The following TRIM24 variants were observed in gnomAD, a reference collection of about 807,000 sequenced individuals.
TRIM24 encodes tripartite motif containing 24.
TRIM24 carries 29 observed loss-of-function variants against 123.9 expected under a neutral mutation model. That is an observed-to-expected ratio of 0.23 (90% confidence interval 0.17 to 0.32). The LOEUF is 0.32. Ranked by LOEUF, TRIM24 falls within the 10% of genes least tolerant of loss-of-function variation. TRIM24 has a pLI of 1.00. For synonymous variants in TRIM24, 456 were observed against 461.1 expected, an observed-to-expected ratio of 0.99 and a Z score of 0.14; for missense variants, 932 against 1,295.3, an observed-to-expected ratio of 0.72 and a Z score of 4.31.
At chr7:138,557,641 T>C (rs1797342052) in intron 9 of TRIM24, among the ~76,000 whole-genome samples, 1 of 152,190 alleles carries the variant, frequency 6.6e-6, no homozygotes, top group Non-Finnish European at 1.5e-5. Flanking sequence ...ATTTTTGCAG[T>C]TATATCTTCA....
chr7:138,502,449 TGATTA>T (rs1307428952), intron 1 of TRIM24, among the ~76,000 whole-genome samples: 1 of 152,208 alleles, frequency 6.6e-6, no homozygotes, highest in African/African-American at 2.4e-5. Flanking sequence ...TCAAAAAGAT[TGATTA>T]GGAGTTACAG....
chr7:138,508,692 T>TGTGTGCGCGCGCAC (rs1422176564), intron 2 of TRIM24, among the ~76,000 whole-genome samples: 2 of 137,214 alleles, frequency 1.5e-5, no homozygotes, highest in African/African-American at 5.5e-5. Flanking sequence ...TGTGTGTGTG[T>TGTGTGCGCGCGCAC]GCGCGCGCGT....
chr7:138,579,613 T>A, intron 15 of TRIM24, 81 bp downstream of exon 15: 1 of 1,232,882 alleles, frequency 8.1e-7, no homozygotes, highest in Non-Finnish European at 1.1e-6. Flanking sequence ...TGAAAAAACT[T>A]AAATGAAATT....
chr7:138,462,932 C>T (rs1795039652), intron 1 of TRIM24, among the ~76,000 whole-genome samples: 1 of 149,768 alleles, frequency 6.7e-6, no homozygotes. Context: ...TGCAGTGGTG[C>T]GATCTTGGCT....
intron 1 of TRIM24, chr7:138,490,687 G>A: frequency 2.4e-6 from 1 of 418,698 alleles, no homozygotes; most frequent in Non-Finnish European, 4.6e-6. Context: ...AGCTCCATGA[G>A]TTTTTCCAGT....
intron 7 of TRIM24, among the ~76,000 whole-genome samples, chr7:138,549,323 T>A (rs555982848): frequency 1.2e-3 from 182 of 152,310 alleles, no homozygotes; most frequent in African/African-American, 4.3e-3. Flanking sequence ...AACTGAGCCC[T>A]GGGCATTCCA....
chr7:138,466,318 A>T (rs986535567), intron 1 of TRIM24, among the ~76,000 whole-genome samples: 1 of 151,882 alleles, frequency 6.6e-6, no homozygotes, highest in Non-Finnish European at 1.5e-5. Flanking sequence ...AATTTTAACC[A>T]TTCTAGTAGG....
At position 138,471,590 on chromosome 7, in the gene TRIM24, G is replaced by C. The variant is rs183411146; in HGVS notation, c.364+10678G>C. On this transcript the variant is annotated intron_variant, in intron 1 of 18. Coordinates refer to ENST00000343526, the MANE Select transcript of TRIM24 (RefSeq NM_015905.3). ...GAGTCTCACTCTGTCATCCAGGCTG[G>C]AGTGCAGTGGTGCAATCTTGGCTCA... Among the ~76,000 whole-genome samples, 11 of 151,550 alleles carry C rather than the reference G, an allele frequency of 7.3e-5. No individual in the cohort carries two copies. In the East Asian group the frequency reaches 2.1e-3, roughly 29 times the overall value.
chr7:138,472,536 A>G (rs1795293812), intron 1 of TRIM24, among the ~76,000 whole-genome samples: 1 of 152,178 alleles, frequency 6.6e-6, no homozygotes, highest in African/African-American at 2.4e-5. Context: ...TGAGAGGGTA[A>G]CAGGAGTGGA....
At position 138,460,671 on chromosome 7, in the gene TRIM24, G is replaced by C; in HGVS notation, c.123G>C (p.Ser41=). 3 of 1,513,854 alleles carry C rather than the reference G, an allele frequency of 2.0e-6. No individual in the cohort carries two copies. Among genetic ancestry groups the C allele is most frequent in the Non-Finnish European group, 2.6e-6 (3 of 1,137,024 alleles). 93.8% of individuals were successfully genotyped at this position (1,513,854 alleles called of 1,614,324 possible). ...CCGAGAGTCGGCAGGGCCCGGACTC[G>C]GAGCGCGGCGGCGAGGCGGCCCGGC... is the stretch of plus-strand genomic sequence containing the variant. ...NEAESRQGPD[S]ERGGEAARLN... is the part of the protein sequence containing the mutation. The change falls in exon 1 of 19, where the codon TCG becomes TCC. Residue 41 remains serine, a synonymous_variant. Coordinates refer to ENST00000343526, the MANE Select transcript of TRIM24 (RefSeq NM_015905.3).
rs1584720710 is a variant in TRIM24, at chr7:138,529,004, A to T, written c.882-112A>T. ...GTCAATTTAAAGTGAAGGACTCAGA[A>T]ATAGAGCTTCTAAGGGCTGAAAACA... is the stretch of plus-strand genomic sequence containing the variant. On this transcript the variant is annotated intron_variant, in intron 5 of 18. Transcript: ENST00000343526. 3 of 504,126 alleles carry T rather than the reference A, an allele frequency of 6.0e-6. No homozygotes were observed. The East Asian group carries it at 1.0e-4, about 17-fold the overall frequency. 31.2% of individuals were successfully genotyped at this position (504,126 alleles called of 1,614,324 possible).
At chr7:138,576,012 A>AGACTT (rs1364842710) in intron 12 of TRIM24, among the ~76,000 whole-genome samples, 2 of 152,190 alleles carry the variant, frequency 1.3e-5, no homozygotes, top group Non-Finnish European at 2.9e-5. Flanking sequence ...TAACACAGAA[A>AGACTT]GACTTGGCAA....
chr7:138,500,611 T>C (rs1290297506), intron 1 of TRIM24, among the ~76,000 whole-genome samples: 2 of 150,390 alleles, frequency 1.3e-5, no homozygotes, highest in Admixed American at 1.3e-4. Context: ...CCATGGCTTA[T>C]GCCTGTAATC....
At chr7:138,540,722 G>C (rs1043696415) in intron 7 of TRIM24, among the ~76,000 whole-genome samples, 1 of 152,162 alleles carries the variant, frequency 6.6e-6, no homozygotes, top group Non-Finnish European at 1.5e-5. Flanking sequence ...GAATCACTAA[G>C]GTTCTTAATG....
At chr7:138,522,999 T>C (rs1362882602) in intron 4 of TRIM24, among the ~76,000 whole-genome samples, 1 of 152,192 alleles carries the variant, frequency 6.6e-6, no homozygotes, top group Non-Finnish European at 1.5e-5. Flanking sequence ...ATATGTTATA[T>C]GTTGAGGATA....
chr7:138,567,607 C>A lies in TRIM24; in HGVS notation c.1657C>A (p.Pro553Thr), dbSNP rs1313500979. ...NQNIPRQAIK[P>T]NPLQMAFLAQ... ...GAACATACCACGACAAGCAATAAAGCCAAACCCCCTACAGATGGCTTTCTT... is the reference window on the plus strand; with the variant it reads ...GAACATACCACGACAAGCAATAAAGACAAACCCCCTACAGATGGCTTTCTT... Residue 553 changes from proline (P) to threonine (T), a missense_variant, in exon 10 of 19, where the codon CCA becomes ACA. By Grantham distance (38) the Pro-to-Thr change is conservative. Coordinates refer to ENST00000343526, the MANE Select transcript of TRIM24 (RefSeq NM_015905.3). 6.2e-7 allele frequency: 1 copy of A among 1,613,564 alleles called. No individual in the cohort carries two copies. The highest frequency in any genetic ancestry group is 1.3e-5 in the African/African-American group (1 of 74,982).
At position 138,585,689 on chromosome 7, in the gene TRIM24, ACTT is replaced by A; in HGVS notation, c.*743_*745del. ...ATACATTTCTAGATCTAGATTTTCA[ACTT>A]CTTCCACTGAGGGAAGTATATACAT... On this transcript the variant is annotated 3_prime_UTR_variant, in exon 19 of 19. Transcript: ENST00000343526. 5.1e-6 allele frequency: 2 copies of A among 389,102 alleles called. No homozygotes were observed. The highest frequency in any genetic ancestry group is 9.9e-6 in the Non-Finnish European group (2 of 201,968). 24.1% of individuals were successfully genotyped at this position (389,102 alleles called of 1,614,324 possible). A position where few individuals can be genotyped will look rare whatever the true frequency, so the allele number is the denominator to read the frequency against.
chr7:138,581,635 A>C, intron 16 of TRIM24, 62 bp from the exon 17 acceptor site: 2 of 1,400,424 alleles, frequency 1.4e-6, no homozygotes, highest in East Asian at 4.7e-5. Flanking sequence ...TGTTATTTAA[A>C]ATAAGCTGTG....
chr7:138,515,467 CTG>C, intron 3 of TRIM24, 108 bp downstream of exon 3: 1 of 1,258,772 alleles, frequency 7.9e-7, no homozygotes. Flanking sequence ...ATTAAATATA[CTG>C]TTTTAAGTAA....
Sources: gnomAD v4.1 joint callset for allele counts (sites outside exome capture counted in the v4.1 genomes callset) on GRCh38, gnomAD v4.1.1 for gene constraint, MANE v1.5 for transcripts, NCBI Gene and HGNC (gene_info 2026-07-23, HGNC 2026-07-21) for gene names.